The following FKBP1B variants were observed in gnomAD, a reference collection of about 807,000 sequenced individuals.
The protein encoded by FKBP1B is peptidyl-prolyl cis-trans isomerase FKBP1B.
FKBP1B carries 4 observed loss-of-function variants against 13.5 expected under a neutral mutation model. The observed-to-expected ratio is 0.30, with a 90% CI of 0.15 to 0.68. The LOEUF is 0.68. Ranked by LOEUF, FKBP1B falls within the 30% of genes least tolerant of loss-of-function variation. The pLI is 0.76. For missense variants in FKBP1B, 93 were observed against 136.2 expected (o/e 0.68, Z 1.58); for synonymous variants, 54 against 53.6 (o/e 1.01, Z -0.03).
intron 2 of FKBP1B, among the ~76,000 whole-genome samples, chr2:24,055,674 C>T (rs74326069): frequency 0.044 from 6,720 of 152,282 alleles, 227 homozygotes; most frequent in East Asian, 0.078. Context: ...AGTATTTTAA[C>T]GTACAAGTAT....
At chr2:24,041,521 A>C in the FKBP1B span, among the ~76,000 whole-genome samples, 6 of 152,196 alleles carry the variant, frequency 3.9e-5, no homozygotes, top group East Asian at 1.2e-3. Context: ...TCTTTTAAAC[A>C]AAAAATGGGG....
the FKBP1B span, chr2:24,038,761 T>C: frequency 6.2e-7 from 1 of 1,614,220 alleles, no homozygotes; most frequent in East Asian, 2.2e-5. Flanking sequence ...CGGAGTCATG[T>C]CTTTACTGTT....
chr2:24,037,589 CCATCTT>C, the FKBP1B span: 1 of 1,357,002 alleles, frequency 7.4e-7, no homozygotes, highest in Non-Finnish European at 1.0e-6. Context: ...AGTTAGAGCA[CCATCTT>C]CCTCATCAAT....
At chr2:24,045,346 A>G (rs1186440170), upstream of FKBP1B, among the ~76,000 whole-genome samples, 1 of 152,138 alleles carries the variant, frequency 6.6e-6, no homozygotes, top group African/African-American at 2.4e-5. Context: ...TCATGCCTGT[A>G]ATCCCAGCAC....
upstream of FKBP1B, chr2:24,047,355 G>A (rs1663660936): frequency 6.6e-6 from 1 of 152,080 alleles, no homozygotes; most frequent in Admixed American, 6.6e-5. Flanking sequence ...TCTCTCTGTG[G>A]CCGCCCAACA....
At chr2:24,055,827 TG>T (rs1282366087) in intron 2 of FKBP1B, among the ~76,000 whole-genome samples, 3 of 152,308 alleles carry the variant, frequency 2.0e-5, no homozygotes, top group Admixed American at 1.3e-4. Context: ...ATGTTTCTGT[TG>T]GGTATATACC....
the FKBP1B span, chr2:24,033,315 G>GA: frequency 3.9e-5 from 13 of 335,310 alleles, no homozygotes; most frequent in South Asian, 1.6e-4. Context: ...GGTTTATTAG[G>GA]AAAAAAAATG....
chr2:24,053,965 T>G lies in FKBP1B; in HGVS notation c.85+16T>G. On this transcript the variant is annotated intron_variant, in intron 2 of 3. Transcript: ENST00000380986. ...CACTACACAGGTAAGTCTCACCCCC[T>G]CAGCCCCCACCCAGTCCTTCCCCTC... The G allele has an allele frequency of 6.2e-7, 1 of 1,613,394 alleles. No homozygotes were observed. The highest frequency in any genetic ancestry group is 8.5e-7 in the Non-Finnish European group (1 of 1,179,366).
At chr2:24,035,648 C>T in the FKBP1B span, among the ~76,000 whole-genome samples, 2 of 152,060 alleles carry the variant, frequency 1.3e-5, no homozygotes, top group South Asian at 2.1e-4. Flanking sequence ...GGTGCAGTGG[C>T]TCACACCTGT....
At chr2:24,060,571 T>A (rs1020408202) in intron 2 of FKBP1B, among the ~76,000 whole-genome samples, 10 of 151,740 alleles carry the variant, frequency 6.6e-5, no homozygotes, top group African/African-American at 2.4e-4. Context: ...AATAAATAAA[T>A]AAAAATAGAA....
chr2:24,056,699 T>C (rs60169353), intron 2 of FKBP1B, among the ~76,000 whole-genome samples: 161 of 152,308 alleles, frequency 1.1e-3, no homozygotes, highest in African/African-American at 3.8e-3. Context: ...TTTTTCTTTT[T>C]CTTTTTTTGA....
chr2:24,048,534 T>C (rs1391998850), upstream of FKBP1B, among the ~76,000 whole-genome samples: 1 of 150,078 alleles, frequency 6.7e-6, no homozygotes, highest in South Asian at 2.1e-4. Flanking sequence ...CCCAGGCTGG[T>C]CTTGAACTTC....
At chr2:24,038,534 G>C in the FKBP1B span, 7 of 1,614,102 alleles carry the variant, frequency 4.3e-6, no homozygotes, top group Admixed American at 1.0e-4. Flanking sequence ...AAGGTCACAA[G>C]GACCAAATGT....
At chr2:24,038,495 C>G in the FKBP1B span, 2 of 1,614,232 alleles carry the variant, frequency 1.2e-6, no homozygotes, top group East Asian at 4.5e-5. Flanking sequence ...GGAATAGTGA[C>G]TTTTCTCGTC....
the FKBP1B span, chr2:24,037,707 T>C: frequency 6.2e-7 from 1 of 1,613,604 alleles, no homozygotes. Flanking sequence ...AAGGAAGATC[T>C]TGAGAGAGTG....
At chr2:24,061,065 G>T (rs979302410) in intron 3 of FKBP1B, 139 bp downstream of exon 3, 19 of 647,744 alleles carry the variant, frequency 2.9e-5, no homozygotes, top group South Asian at 9.7e-5. Flanking sequence ...AACGCCATCT[G>T]GTGTCCCCTC....
the FKBP1B span, chr2:24,039,453 A>G: frequency 5.0e-6 from 8 of 1,614,254 alleles, no homozygotes; most frequent in African/African-American, 9.3e-5. Flanking sequence ...GATGCAACGC[A>G]TTCAGTCCAG....
chr2:24,049,519 A>C (rs1663743969), upstream of FKBP1B: 3 of 273,494 alleles, frequency 1.1e-5, no homozygotes, highest in Non-Finnish European at 2.1e-5. Context: ...GGATGCGCGA[A>C]TGAATGGATG....
At chr2:24,033,417 A>T in the FKBP1B span, among the ~76,000 whole-genome samples, 2 of 152,230 alleles carry the variant, frequency 1.3e-5, no homozygotes, top group Non-Finnish European at 2.9e-5. Context: ...AAAAAGCACA[A>T]ATAAAAATAA....
Sources: allele counts gnomAD v4.1 joint callset (sites outside exome capture counted in the v4.1 genomes callset), GRCh38; gene constraint gnomAD v4.1.1; transcripts MANE v1.5; gene names NCBI Gene and HGNC (gene_info 2026-07-23, HGNC 2026-07-21).